Variants in TFR2 observed in about 807,000 individuals in gnomAD.
TFR2 encodes transferrin receptor 2.
TFR2 carries 64 observed loss-of-function variants against 91.9 expected under a neutral mutation model. The observed-to-expected ratio is 0.70, with a 90% CI of 0.57 to 0.86. The LOEUF is 0.86. Ranked by LOEUF, TFR2 falls within the 40% of genes least tolerant of loss-of-function variation. The pLI, the probability that TFR2 is intolerant of heterozygous loss-of-function variation, is 0.00. For missense variants in TFR2, 950 were observed against 1,080.5 expected, an observed-to-expected ratio of 0.88 and a Z score of 1.69; for synonymous variants, 454 against 459.6, an observed-to-expected ratio of 0.99 and a Z score of 0.15.
chr7:100,626,690 G>T, intron 17 of TFR2, 73 bp downstream of exon 17: 2 of 1,526,722 alleles, frequency 1.3e-6, no homozygotes, highest in South Asian at 1.2e-5. Context: ...CGCAGACGGG[G>T]CCAGGTCCAG....
intron 9 of TFR2, 151 bp from the exon 10 acceptor site, chr7:100,629,523 T>G: frequency 6.7e-7 from 1 of 1,482,064 alleles, no homozygotes; most frequent in East Asian, 2.5e-5. Flanking sequence ...CCCTCCCCAC[T>G]TGGCCCTTCC....
In TFR2 at chr7:100,641,022, C is replaced by T. The variant is rs769465224; in HGVS notation, c.240G>A (p.Arg80=). 4 of 1,602,838 alleles carry T rather than the reference C, an allele frequency of 2.5e-6. No homozygotes were observed. Among genetic ancestry groups the T allele is most frequent in the Non-Finnish European group, 3.4e-6 (4 of 1,173,614 alleles). Residue 80 remains arginine (R), a synonymous_variant, in exon 2 of 18, where the codon AGG becomes AGA. Coordinates refer to ENST00000223051, the MANE Select transcript of TFR2 (RefSeq NM_003227.4). The part of the protein sequence containing the change: ...NLIPWAAAGR[R]AAPYLVLTAL... ...CCGTCAGGACCAGGTAGGGGGCAGC[C>T]CTCCGTCCTGCTGCCGCCCAGGGAA... is the stretch of plus-strand genomic sequence containing the variant.
rs1224438908 is a variant in TFR2 at position 100,641,068 on chromosome 7, C to A, written c.194G>T (p.Arg65Ile). The change falls in exon 2 of 18, where the codon AGA (arginine) becomes ATA (isoleucine). Residue 65 changes from arginine to isoleucine, a missense_variant. By Grantham distance (97) the Arg-to-Ile change is moderately conservative. Coordinates refer to ENST00000223051, the MANE Select transcript of TFR2 (RefSeq NM_003227.4). The part of the protein sequence containing the change: ...ELRGPEPLGS[R>I]PRQPNLIPWA... ...GGGAATGAGGTTTGGCTGCCTGGGT[C>A]TAGAGCCCAGGGGCTCAGGGCCCCT... is the stretch of plus-strand genomic sequence containing the variant. 1.2e-6 allele frequency: 2 copies of A among 1,603,814 alleles called. No individual in the cohort carries two copies. The highest frequency in any genetic ancestry group is 2.2e-5 in the South Asian group (2 of 90,068).
chr7:100,632,737 CCT>C (rs1491583208), intron 6 of TFR2: 54 of 314,956 alleles, frequency 1.7e-4, no homozygotes, highest in African/African-American at 1.1e-3. Flanking sequence ...AAAAAAAGAA[CCT>C]TTTTTTTTTT....
rs1452341780 is a variant in TFR2 at position 100,640,479 on chromosome 7, C to A, written c.473+207G>T. On this transcript the variant is annotated intron_variant, in intron 3 of 17. Transcript: ENST00000223051. ...CTCCCTCACCTCCCAAATATGCCAC[C>A]CTCAGAGCCTCAGTCCCCTGGAACC... 9.1e-5 allele frequency: 56 copies of A among 615,282 alleles called. 1 individual carries two copies. The highest frequency in any genetic ancestry group is 2.0e-5 in the Non-Finnish European group (7 of 353,278). The allele number at this position is 615,282 out of a possible 1,614,324, so 38.1% of individuals were successfully genotyped here.
chr7:100,641,504 C>T lies in TFR2; in HGVS notation c.6G>A (p.Glu2=). The T allele has an allele frequency of 6.2e-7, 1 of 1,613,916 alleles. No homozygotes were observed. Among genetic ancestry groups the T allele is most frequent in the Non-Finnish European group, 8.5e-7 (1 of 1,179,922 alleles). Residue 2 remains glutamate, a synonymous_variant, in exon 1 of 18, where the codon GAG becomes GAA. Transcript: ENST00000223051. The part of the protein sequence containing the change: M[E]RLWGLFQRAQ... ...CTCTCTGGAATAGACCCCAAAGCCG[C>T]TCCATGCTTGTGTCCCCTCCTGAAG...
At chr7:100,635,253 T>C (rs1461008090) in intron 3 of TFR2, among the ~76,000 whole-genome samples, 2 of 151,512 alleles carry the variant, frequency 1.3e-5, no homozygotes, top group African/African-American at 4.8e-5. Flanking sequence ...TTTCTTTTCT[T>C]TTTTTGGAGA....
intron 3 of TFR2, among the ~76,000 whole-genome samples, chr7:100,634,177 A>AACACACACAC (rs3076877): frequency 0.037 from 4,898 of 132,620 alleles, 193 homozygotes; most frequent in East Asian, 0.12. Flanking sequence ...TCCCGACGTC[A>AACACACACAC]ACACACACAC....
chr7:100,637,731 T>C (rs1803601937), intron 3 of TFR2, among the ~76,000 whole-genome samples: 1 of 152,046 alleles, frequency 6.6e-6, no homozygotes, highest in Non-Finnish European at 1.5e-5. Context: ...GAGAATCACC[T>C]GAGCTTGGGA....
At chr7:100,641,376 TCAGGACACGGTC>T (rs1803697419) in intron 1 of TFR2, 89 bp downstream of exon 1, 1 of 1,530,684 alleles carries the variant, frequency 6.5e-7, no homozygotes, top group Non-Finnish European at 8.9e-7. Context: ...AGAAGCGAGG[TCAGGACACGGTC>T]CAGGAGGGGC....
In TFR2 at chr7:100,627,369, G is replaced by T. The variant is rs753158589; in HGVS notation, c.1890C>A (p.Leu630=). The change falls in exon 16 of 18, where the codon CTC becomes CTA. Residue 630 remains leucine (L), a synonymous_variant. Transcript: ENST00000223051. ...GCAGGCGATCGTGGCTGAGCCGGAT[G>T]AGGAGCTGCCCTGCGAGCTGGGCCA... ...QAVAQLAGQL[L]IRLSHDRLLP... 4 of 1,554,460 alleles carry T rather than the reference G, an allele frequency of 2.6e-6. No individual in the cohort carries two copies. In the East Asian group the frequency reaches 9.7e-5, roughly 38 times the overall value.
chr7:100,635,149 A>G (rs1172839150), intron 3 of TFR2, among the ~76,000 whole-genome samples: 2 of 151,876 alleles, frequency 1.3e-5, no homozygotes, highest in Admixed American at 1.3e-4. Flanking sequence ...CATGTCGGCT[A>G]GGCTGGTCTC....
At chr7:100,623,798 C>T (rs183956563) in intron 17 of TFR2, among the ~76,000 whole-genome samples, 4 of 148,784 alleles carry the variant, frequency 2.7e-5, no homozygotes, top group African/African-American at 1.0e-4. Flanking sequence ...GCCTGTAATC[C>T]TAGCACTTTG....
Position 100,641,129 on chromosome 7 carries a change from C to T in TFR2, c.133G>A (p.Ala45Thr), listed in dbSNP as rs377185503. The change falls in exon 2 of 18, where the codon GCG becomes ACG. Residue 45 changes from alanine to threonine, a missense_variant. Transcript: ENST00000223051. Reference sequence around the variant, plus strand: ...GGGCAGAAGTGGGCCAATGTCTCCGCCCCCTCCTCCCCGTCTTCCTCTTCC... The same window carrying T: ...GGGCAGAAGTGGGCCAATGTCTCCGTCCCCTCCTCCCCGTCTTCCTCTTCC... ...EEEEEDGEEG[A>T]ETLAHFCPME... is the part of the protein sequence containing the mutation. The T allele has an allele frequency of 5.8e-6, 9 of 1,559,714 alleles. No homozygotes were observed. Among genetic ancestry groups the T allele is most frequent in the Non-Finnish European group, 5.2e-6 (6 of 1,152,716 alleles).
chr7:100,625,607 G>T (rs998444984), intron 17 of TFR2, among the ~76,000 whole-genome samples: 2 of 152,188 alleles, frequency 1.3e-5, no homozygotes, highest in African/African-American at 4.8e-5. Flanking sequence ...GAGAAGGCCA[G>T]GTTCAGTAGC....
intron 17 of TFR2, among the ~76,000 whole-genome samples, chr7:100,621,983 C>T (rs1803124941): frequency 6.6e-6 from 1 of 152,206 alleles, no homozygotes; most frequent in Non-Finnish European, 1.5e-5. Context: ...ATTGCCTGGG[C>T]ACCGCCCCAG....
Position 100,630,937 on chromosome 7 carries a change from T to A in TFR2, c.1222A>T (p.Thr408Ser). ...CAGCCGAAGATGTTGTTGATGGGGG[T>A]GGAGGTCCTGTGATTGTTGACCACT... is the stretch of plus-strand genomic sequence containing the variant. ...RLVVNNHRTS[T>S]PINNIFGCIE... The change falls in exon 9 of 18, where the codon ACC becomes TCC. Residue 408 changes from threonine to serine, a missense_variant. Physicochemically the swap from Thr to Ser is moderately conservative, Grantham distance 58. Transcript: ENST00000223051. 5.0e-6 allele frequency: 8 copies of A among 1,612,878 alleles called. No homozygotes were observed. Among genetic ancestry groups the A allele is most frequent in the Non-Finnish European group, 5.9e-6 (7 of 1,179,824 alleles).
rs1584455851 is a variant in TFR2, at chr7:100,627,137, GGGTTAATGGGC to G, written c.1995+116_1995+126del. On this transcript the variant is annotated intron_variant, in intron 16 of 17. Coordinates refer to ENST00000223051, the MANE Select transcript of TFR2 (RefSeq NM_003227.4). Reference sequence around the variant, plus strand: ...TGGGGGCTGGGAGACTGGAGGCAGGGGGTTAATGGGCTGGATTGCCAGAGAGGACCTAGACC... The same window carrying G: ...TGGGGGCTGGGAGACTGGAGGCAGGGTGGATTGCCAGAGAGGACCTAGACC... The G allele has an allele frequency of 2.4e-6, 3 of 1,266,534 alleles. No individual in the cohort carries two copies. In the East Asian group the frequency reaches 7.6e-5, roughly 32 times the overall value. 78.5% of individuals were successfully genotyped at this position (1,266,534 alleles called of 1,614,324 possible).
intron 3 of TFR2, 186 bp downstream of exon 3, chr7:100,640,500 G>A (rs1803674441): frequency 1.5e-6 from 1 of 665,140 alleles, no homozygotes. Context: ...CAGTCCCCTG[G>A]AACCTCAGCT....
Sources: gnomAD v4.1 joint callset for allele counts (sites outside exome capture counted in the v4.1 genomes callset) on GRCh38, gnomAD v4.1.1 for gene constraint, MANE v1.5 for transcripts, NCBI Gene and HGNC (gene_info 2026-07-23, HGNC 2026-07-21) for gene names.